LRRIQ1: variants seen among roughly 807,000 people sequenced by gnomAD.
LRRIQ1 encodes the protein leucine rich repeats and IQ motif containing 1, also known as leucine-rich repeat- and IQ domain-containing protein 1.
LRRIQ1 carries 210 observed loss-of-function variants against 211.9 expected under a neutral mutation model. The observed-to-expected ratio is 0.99, with a 90% CI of 0.89 to 1.11. LRRIQ1 has a LOEUF of 1.11. LRRIQ1 is among the 50% of genes most tolerant of loss of function. The pLI is 0.00. For missense variants in LRRIQ1, 2,136 were observed against 1,939.5 expected (o/e 1.10, Z -1.90); for synonymous variants, 699 against 650.1 (o/e 1.08, Z -1.14).
chr12:85,062,363 C>T (rs1016376269), intron 8 of LRRIQ1, among the ~76,000 whole-genome samples: 3 of 151,672 alleles, frequency 2.0e-5, no homozygotes, highest in African/African-American at 4.8e-5. Context: ...TTCACCACTT[C>T]GTGTTTTCCC....
chr12:85,193,062 A>T (rs1225203101), intron 24 of LRRIQ1, among the ~76,000 whole-genome samples: 1 of 100,782 alleles, frequency 9.9e-6, no homozygotes, highest in Non-Finnish European at 1.8e-5. Context: ...TAATATAAAT[A>T]TTATATTATA....
intron 24 of LRRIQ1, among the ~76,000 whole-genome samples, chr12:85,161,753 G>A (rs1047695428): frequency 3.9e-5 from 6 of 152,088 alleles, no homozygotes; most frequent in Admixed American, 3.3e-4. Flanking sequence ...AAAGTAGATA[G>A]CAATAGTCTG....
intron 1 of LRRIQ1, among the ~76,000 whole-genome samples, chr12:85,252,776 ATACTT>A (rs1303318917): frequency 1.3e-5 from 2 of 151,950 alleles, no homozygotes; most frequent in African/African-American, 4.8e-5. Context: ...AAAGTTAATA[ATACTT>A]TAAATTTACC....
At chr12:85,170,965 A>G (rs1027858380) in intron 24 of LRRIQ1, among the ~76,000 whole-genome samples, 1 of 152,154 alleles carries the variant, frequency 6.6e-6, no homozygotes, top group African/African-American at 2.4e-5. Flanking sequence ...ACTTCTTTTT[A>G]TCTCCACAGT....
chr12:85,215,165 G>A (rs1406579621), intron 24 of LRRIQ1, among the ~76,000 whole-genome samples: 2 of 152,154 alleles, frequency 1.3e-5, no homozygotes, highest in Non-Finnish European at 2.9e-5. Flanking sequence ...TAGTATTATA[G>A]AGGACAAGAA....
At chr12:85,207,729 T>G (rs1432160820) in intron 24 of LRRIQ1, among the ~76,000 whole-genome samples, 1 of 152,160 alleles carries the variant, frequency 6.6e-6, no homozygotes, top group African/African-American at 2.4e-5. Flanking sequence ...TAGATTCTTT[T>G]TTTGGGAGTG....
intron 13 of LRRIQ1, 126 bp from the exon 14 acceptor site, chr12:85,103,878 A>G (rs1886576199): frequency 2.7e-6 from 1 of 372,530 alleles, no homozygotes; most frequent in South Asian, 6.0e-5. Context: ...TTGTATATAT[A>G]AAATTGTATA....
intron 8 of LRRIQ1, among the ~76,000 whole-genome samples, chr12:85,064,921 T>C (rs1209965493): frequency 6.6e-6 from 1 of 151,886 alleles, no homozygotes; most frequent in Non-Finnish European, 1.5e-5. Context: ...GCTGTTTTGA[T>C]TACTACAGCT....
At chr12:85,149,999 G>A (rs1280644272) in intron 19 of LRRIQ1, among the ~76,000 whole-genome samples, 1 of 151,696 alleles carries the variant, frequency 6.6e-6, no homozygotes, top group Non-Finnish European at 1.5e-5. Context: ...TCTATGATGT[G>A]GCAAAGAAGT....
At position 85,147,032 on chromosome 12, in the gene LRRIQ1, G is replaced by C. The variant is rs749972942; in HGVS notation, c.4330-5248G>C. 6.7e-4 allele frequency among the ~76,000 whole-genome samples: 102 copies of C among 151,782 alleles called. 1 individual carries two copies. The highest frequency in any genetic ancestry group is 1.1e-3 in the Non-Finnish European group (72 of 67,838). ...CTCACTGATAAAATTGCTTTATATA[G>C]ATGTGTCGATAGAAGGAGGTGATAG... is the stretch of plus-strand genomic sequence containing the variant. On this transcript the variant is annotated intron_variant, in intron 19 of 26. Coordinates refer to ENST00000393217, the MANE Select transcript of LRRIQ1 (RefSeq NM_001079910.2).
Position 85,055,988 on chromosome 12 carries a change from G to C in LRRIQ1, c.1195G>C (p.Ala399Pro). 2 of 1,609,542 alleles carry C rather than the reference G, an allele frequency of 1.2e-6. No homozygotes were observed. Among genetic ancestry groups the C allele is most frequent in the Non-Finnish European group, 1.7e-6 (2 of 1,178,198 alleles). The part of the protein sequence containing the change: ...DASQQLIISS[A>P]LKKSGYNNKH... Reference sequence around the variant, plus strand: ...AAGCCAACAGCTAATAATAAGTAGTGCATTAAAGAAGAGCGGATATAATAA... The same window carrying C: ...AAGCCAACAGCTAATAATAAGTAGTCCATTAAAGAAGAGCGGATATAATAA... The change falls in exon 8 of 27, where the codon GCA (alanine) becomes CCA (proline). Residue 399 changes from alanine (A) to proline (P), a missense_variant. By Grantham distance (27) the Ala-to-Pro change is conservative. Transcript: ENST00000393217.
chr12:85,211,807 G>T (rs530270750), intron 24 of LRRIQ1, among the ~76,000 whole-genome samples: 3 of 152,204 alleles, frequency 2.0e-5, no homozygotes, highest in Admixed American at 2.0e-4. Context: ...ATTCATAAAT[G>T]ATGGGCAATA....
At chr12:85,102,959 A>ATATATATATATATATATATATAT (rs1555207753) in intron 13 of LRRIQ1, among the ~76,000 whole-genome samples, 3 of 108,466 alleles carry the variant, frequency 2.8e-5, no homozygotes, top group African/African-American at 1.2e-4. Context: ...AAAAAAAAAA[A>ATATATATATATATATATATATAT]ATATATATAT....
At chr12:85,049,889 C>A (rs142577330) in intron 6 of LRRIQ1, among the ~76,000 whole-genome samples, 1 of 152,096 alleles carries the variant, frequency 6.6e-6, no homozygotes, top group Admixed American at 6.6e-5. Flanking sequence ...TTTTACTTTC[C>A]CTTGACTTCT....
At chr12:85,213,413 A>G (rs979964394) in intron 24 of LRRIQ1, among the ~76,000 whole-genome samples, 10 of 152,042 alleles carry the variant, frequency 6.6e-5, no homozygotes, top group South Asian at 2.1e-4. Flanking sequence ...CATTTCTATC[A>G]CGTCTATATA....
At chr12:85,241,791 C>T (rs1895472721) in intron 26 of LRRIQ1, among the ~76,000 whole-genome samples, 1 of 151,828 alleles carries the variant, frequency 6.6e-6, no homozygotes, top group Admixed American at 6.6e-5. Flanking sequence ...TATATCTTCA[C>T]TTCCAAAAAG....
In LRRIQ1 at chr12:85,202,092, G is replaced by A. The variant is rs143214412; in HGVS notation, c.4823-27425G>A. 3.9e-5 allele frequency among the ~76,000 whole-genome samples: 6 copies of A among 152,172 alleles called. No homozygotes were observed. In the East Asian group the frequency reaches 1.2e-3, roughly 29 times the overall value. ...TTTCCATGTAATTATGTAATTTTGA[G>A]TGATTTTCTTAGTATTGATTTCTAT... On this transcript the variant is annotated intron_variant, in intron 24 of 26. Coordinates refer to ENST00000393217, the MANE Select transcript of LRRIQ1 (RefSeq NM_001079910.2).
intron 1 of LRRIQ1, among the ~76,000 whole-genome samples, chr12:85,258,231 A>ATATAATTTT (rs1398666873): frequency 2.6e-5 from 4 of 151,872 alleles, no homozygotes; most frequent in African/African-American, 9.7e-5. Context: ...AGTAACAAAT[A>ATATAATTTT]CTGTGGATAT....
rs751473572 is a variant in LRRIQ1 at position 85,244,902 on chromosome 12, A to G, written c.5130A>G (p.Gly1710=). ...KKNQAHRHSA[G]SSSKLWFPSK... is the part of the protein sequence containing the mutation. ...ATCAGGCACACAGACACTCAGCAGG[A>G]TCTTCAAGTAAGTTGTGGTTTCCTT... The change falls in exon 27 of 27, where the codon GGA becomes GGG. Residue 1710 remains glycine (G), a synonymous_variant. Transcript: ENST00000393217. The G allele has an allele frequency of 3.7e-6, 6 of 1,611,314 alleles. No individual in the cohort carries two copies. The highest frequency in any genetic ancestry group is 5.1e-6 in the Non-Finnish European group (6 of 1,178,268).
Sources: gnomAD v4.1 joint callset for allele counts (sites outside exome capture counted in the v4.1 genomes callset) on GRCh38, gnomAD v4.1.1 for gene constraint, MANE v1.5 for transcripts, NCBI Gene and HGNC (gene_info 2026-07-23, HGNC 2026-07-21) for gene names.